Variants in DYNC1I2 observed in about 807,000 individuals in gnomAD.
The protein encoded by DYNC1I2 is dynein cytoplasmic 1 intermediate chain 2.
In DYNC1I2, 53 loss-of-function variants were observed where a neutral mutation model predicts 88.6. That is an observed-to-expected ratio of 0.60 (90% CI 0.48 to 0.75). The LOEUF (loss-of-function observed/expected upper bound fraction) is 0.75. Among genes scored for constraint, DYNC1I2 ranks in the 30% least tolerant of loss-of-function variants. The pLI is 0.00. For missense variants in DYNC1I2, 458 were observed against 766.6 expected, an observed-to-expected ratio of 0.60 and a Z score of 4.75; for synonymous variants, 198 against 254.6, an observed-to-expected ratio of 0.78 and a Z score of 2.12.
chr2:171,710,779 TTCAA>T (rs2105569052), intron 5 of DYNC1I2, among the ~76,000 whole-genome samples: 1 of 151,432 alleles, frequency 6.6e-6, no homozygotes, highest in South Asian at 2.1e-4. Flanking sequence ...CTCGGCTCAC[TTCAA>T]TCTCTGCCTC....
chr2:171,711,335 A>G (rs1687113246), intron 5 of DYNC1I2, among the ~76,000 whole-genome samples: 1 of 152,108 alleles, frequency 6.6e-6, no homozygotes. Context: ...TTACTTCTCA[A>G]GCTTTGTACT....
At chr2:171,741,707 A>G (rs542214072) in intron 15 of DYNC1I2, among the ~76,000 whole-genome samples, 1 of 152,206 alleles carries the variant, frequency 6.6e-6, no homozygotes, top group South Asian at 2.1e-4. Flanking sequence ...TTCTTTTATC[A>G]TTGTGCTTTT....
intron 5 of DYNC1I2, chr2:171,712,467 T>C (rs1381231226): frequency 7.6e-6 from 2 of 263,060 alleles, no homozygotes; most frequent in Non-Finnish European, 1.4e-5. Flanking sequence ...TTAGTTGTTC[T>C]AAAGCAGATC....
chr2:171,727,171 C>T (rs1027786817), intron 11 of DYNC1I2, among the ~76,000 whole-genome samples: 2 of 152,032 alleles, frequency 1.3e-5, no homozygotes, highest in African/African-American at 4.8e-5. Flanking sequence ...TTGTGATTTT[C>T]TGTTATGGTG....
At chr2:171,697,493 G>T (rs1489289157) in intron 3 of DYNC1I2, among the ~76,000 whole-genome samples, 1 of 152,064 alleles carries the variant, frequency 6.6e-6, no homozygotes, top group Non-Finnish European at 1.5e-5. Flanking sequence ...TAAACTGGAA[G>T]TTAGATTTAA....
chr2:171,735,737 TCTG>T (rs1688957955), intron 15 of DYNC1I2, among the ~76,000 whole-genome samples: 1 of 152,190 alleles, frequency 6.6e-6, no homozygotes, highest in African/African-American at 2.4e-5. Context: ...AGTGAAAGCT[TCTG>T]CAGGGTAACA....
chr2:171,735,340 A>C (rs962782039), intron 15 of DYNC1I2, among the ~76,000 whole-genome samples: 6 of 152,204 alleles, frequency 3.9e-5, no homozygotes, highest in Non-Finnish European at 8.8e-5. Context: ...TTTTTAAGAC[A>C]GGCTGAGCAC....
chr2:171,720,681 C>T (rs1398339952), intron 7 of DYNC1I2, among the ~76,000 whole-genome samples: 2 of 151,996 alleles, frequency 1.3e-5, no homozygotes, highest in Admixed American at 1.3e-4. Flanking sequence ...CATTGAGCCA[C>T]GATTGTGCCA....
chr2:171,737,834 G>A (rs1689118868), intron 15 of DYNC1I2, among the ~76,000 whole-genome samples: 1 of 151,758 alleles, frequency 6.6e-6, no homozygotes, highest in Non-Finnish European at 1.5e-5. Context: ...TAGGTTCAGG[G>A]GTACGTTTGC....
chr2:171,707,551 T>G (rs1006724236), intron 5 of DYNC1I2, among the ~76,000 whole-genome samples, 174 bp downstream of exon 5: 19 of 151,566 alleles, frequency 1.3e-4, no homozygotes, highest in African/African-American at 3.6e-4. Context: ...GGTTTCTTTG[T>G]TTTTTTTTAA....
chr2:171,693,700 T>A (rs1685553093), intron 3 of DYNC1I2, among the ~76,000 whole-genome samples: 1 of 152,238 alleles, frequency 6.6e-6, no homozygotes, highest in Non-Finnish European at 1.5e-5. Context: ...TTAGAGCTGA[T>A]ATTTCTAAAA....
At chr2:171,739,066 A>G (rs1234915970) in intron 15 of DYNC1I2, among the ~76,000 whole-genome samples, 1 of 150,606 alleles carries the variant, frequency 6.6e-6, no homozygotes, top group Non-Finnish European at 1.5e-5. Flanking sequence ...CAGTGAGCCA[A>G]GATCACACCA....
intron 6 of DYNC1I2, among the ~76,000 whole-genome samples, chr2:171,713,546 G>T (rs1459906159): frequency 6.6e-6 from 1 of 151,784 alleles, no homozygotes; most frequent in African/African-American, 2.4e-5. Flanking sequence ...TTAGAAGTTA[G>T]TGTTGTAAGC....
Position 171,748,911 on chromosome 2 carries a change from G to A in DYNC1I2, c.*1022G>A, listed in dbSNP as rs768066365. ...GTAGGTGACAAATATCTAAGAATCA[G>A]TATTGAAATCAGTGAATTTCAGGAA... On this transcript the variant is annotated 3_prime_UTR_variant, in exon 18 of 18. Transcript: ENST00000397119. Among the ~76,000 whole-genome samples the A allele has an allele frequency of 1.3e-5, 2 of 152,192 alleles. No homozygotes were observed. Among genetic ancestry groups the A allele is most frequent in the Non-Finnish European group, 2.9e-5 (2 of 68,018 alleles).
At position 171,715,433 on chromosome 2, in the gene DYNC1I2, A is replaced by G. The variant is rs747172804; in HGVS notation, c.501A>G (p.Gln167=). 65 of 1,562,328 alleles carry G rather than the reference A, an allele frequency of 4.2e-5. No individual in the cohort carries two copies. The highest frequency in any genetic ancestry group is 5.6e-5 in the Non-Finnish European group (64 of 1,150,664). Residue 167 remains glutamine (Q), a synonymous_variant, in exon 7 of 18, where the codon CAA becomes CAG. Coordinates refer to ENST00000397119, the MANE Select transcript of DYNC1I2 (RefSeq NM_001378.3). ...AAACTCAGACTCCAGTTATGGCTCAACCCAAAGAAGGTGAATATCTATCCT... is the reference window on the plus strand; with the variant it reads ...AAACTCAGACTCCAGTTATGGCTCAGCCCAAAGAAGGTGAATATCTATCCT... The part of the protein sequence containing the change: ...TKETQTPVMA[Q]PKEDEEEDDD...
chr2:171,733,587 G>A (rs1276758876), intron 15 of DYNC1I2, among the ~76,000 whole-genome samples: 1 of 143,474 alleles, frequency 7.0e-6, no homozygotes, highest in Non-Finnish European at 1.5e-5. Context: ...GTCTTCTTTT[G>A]AGAAATGTTT....
Position 171,747,903 on chromosome 2 carries a change from G to T in DYNC1I2, c.*14G>T, listed in dbSNP as rs763835190. On this transcript the variant is annotated 3_prime_UTR_variant, in exon 18 of 18. Coordinates refer to ENST00000397119, the MANE Select transcript of DYNC1I2 (RefSeq NM_001378.3). ...ATACCTGCTTAGTTCCTGAAAAGGG[G>T]AGTGTAACTAGTGGATTTGGGAAAG... 5.1e-6 allele frequency: 8 copies of T among 1,553,724 alleles called. No homozygotes were observed. The African/African-American group carries it at 6.8e-5, about 13-fold the overall frequency.
chr2:171,690,283 TTAAA>T lies in DYNC1I2; in HGVS notation c.108+25_108+28del, dbSNP rs769916871. 2.3e-5 allele frequency: 34 copies of T among 1,504,400 alleles called. No homozygotes were observed. The highest frequency in any genetic ancestry group is 4.2e-5 in the African/African-American group (3 of 71,278). The allele number at this position is 1,504,400 out of a possible 1,614,324, so 93.2% of individuals were successfully genotyped here. On this transcript the variant is annotated intron_variant, in intron 2 of 17. Coordinates refer to ENST00000397119, the MANE Select transcript of DYNC1I2 (RefSeq NM_001378.3). The stretch of plus-strand genomic sequence containing the variant: ...AAAGAAGTATGTTTGATTTTTTTGC[TTAAA>T]TAAACAACATAAAGTAATTGGGTTT...
chr2:171,702,227 T>G (rs765802904), intron 3 of DYNC1I2, among the ~76,000 whole-genome samples: 1 of 152,074 alleles, frequency 6.6e-6, no homozygotes, highest in African/African-American at 2.4e-5. Context: ...GTTTCCAAGT[T>G]AGATCTACAT....
Sources: allele counts gnomAD v4.1 joint callset (sites outside exome capture counted in the v4.1 genomes callset), GRCh38; gene constraint gnomAD v4.1.1; transcripts MANE v1.5; gene names NCBI Gene and HGNC (gene_info 2026-07-23, HGNC 2026-07-21).